The following SRBD1 variants were observed in gnomAD, a reference collection of about 807,000 sequenced individuals.
SRBD1 encodes S1 RNA binding domain 1, also known as S1 RNA-binding domain-containing protein 1.
In SRBD1, 88 loss-of-function variants were observed where a neutral mutation model predicts 115.3. The observed-to-expected ratio is 0.76, with a 90% CI of 0.64 to 0.91. The LOEUF is 0.91. SRBD1 is among the 40% of genes least tolerant of loss of function. The pLI is 0.00. For synonymous variants in SRBD1, 509 were observed against 407.7 expected, an observed-to-expected ratio of 1.25 and a Z score of -2.99; for missense variants, 1,385 against 1,177.4, an observed-to-expected ratio of 1.18 and a Z score of -2.58.
rs535531574 is a variant in SRBD1 at position 45,492,383 on chromosome 2, A to G, written c.1875-4052T>C. 7.2e-5 allele frequency among the ~76,000 whole-genome samples: 11 copies of G among 152,278 alleles called. No individual in the cohort carries two copies. In the South Asian group the frequency reaches 1.9e-3, roughly 26 times the overall value. ...TTATTATCATTATTATATTTTGCCAAATTGAGATGGGAAGGTGAGATTATT... is the reference window on the plus strand; with the variant it reads ...TTATTATCATTATTATATTTTGCCAGATTGAGATGGGAAGGTGAGATTATT... On this transcript the variant is annotated intron_variant, in intron 14 of 20. Transcript: ENST00000263736.
At position 45,389,250 on chromosome 2, in the gene SRBD1, T is replaced by C. The variant is rs1300820881; in HGVS notation, c.*60A>G. ...ACCTAGAGTTTACAAACAACTGACT[T>C]ATCCTTGTCAATCTGTGGAAATGAG... On this transcript the variant is annotated 3_prime_UTR_variant, in exon 21 of 21. Transcript: ENST00000263736. 4 of 1,565,776 alleles carry C rather than the reference T, an allele frequency of 2.6e-6. No individual in the cohort carries two copies. The African/African-American group carries it at 5.5e-5, about 21-fold the overall frequency.
chr2:45,541,896 G>T (rs1053365377), intron 14 of SRBD1, among the ~76,000 whole-genome samples: 1 of 152,248 alleles, frequency 6.6e-6, no homozygotes, highest in Admixed American at 6.5e-5. Flanking sequence ...GGGCAGCCAT[G>T]GGCATGTCTG....
chr2:45,483,789 A>G (rs890349098), intron 15 of SRBD1, among the ~76,000 whole-genome samples: 1 of 152,244 alleles, frequency 6.6e-6, no homozygotes, highest in Admixed American at 6.5e-5. Context: ...GAATTTTTTC[A>G]CTATAATGCT....
chr2:45,605,511 G>A (rs956199182), intron 1 of SRBD1, 70 bp from the exon 2 acceptor site: 1 of 1,378,720 alleles, frequency 7.3e-7, no homozygotes, highest in Non-Finnish European at 1.0e-6. Flanking sequence ...TACAAGTAAT[G>A]GGTCATTCAA....
At chr2:45,437,272 G>C (rs959090676) in intron 16 of SRBD1, among the ~76,000 whole-genome samples, 8 of 147,320 alleles carry the variant, frequency 5.4e-5, no homozygotes, top group African/African-American at 2.0e-4. Context: ...AGTATTAAAA[G>C]AGAATGAAGT....
chr2:45,391,599 G>T (rs1435682402), intron 20 of SRBD1, among the ~76,000 whole-genome samples: 3 of 152,214 alleles, frequency 2.0e-5, no homozygotes, highest in African/African-American at 7.2e-5. Flanking sequence ...TTAGAGCAAA[G>T]GTCAGTTCCA....
At chr2:45,593,935 C>G (rs1057446864) in intron 4 of SRBD1, among the ~76,000 whole-genome samples, 6 of 152,146 alleles carry the variant, frequency 3.9e-5, no homozygotes, top group Non-Finnish European at 8.8e-5. Context: ...TGGTAATGTT[C>G]TGGAAGCTTG....
chr2:45,606,222 C>T (rs1336444240), intron 1 of SRBD1, among the ~76,000 whole-genome samples: 3 of 147,346 alleles, frequency 2.0e-5, no homozygotes, highest in Non-Finnish European at 3.0e-5. Flanking sequence ...TGCAATGGCA[C>T]GATATTGGCT....
intron 8 of SRBD1, among the ~76,000 whole-genome samples, chr2:45,573,827 T>C (rs1673094077): frequency 6.6e-6 from 1 of 152,210 alleles, no homozygotes; most frequent in Non-Finnish European, 1.5e-5. Context: ...GCAATTATTT[T>C]GCTTCAACTC....
At chr2:45,512,009 C>T (rs1004309831) in intron 14 of SRBD1, among the ~76,000 whole-genome samples, 2 of 152,164 alleles carry the variant, frequency 1.3e-5, no homozygotes, top group Admixed American at 1.3e-4. Flanking sequence ...AGCATGGCTA[C>T]GTGATTTGCT....
At chr2:45,589,715 T>C (rs1049695537) in intron 4 of SRBD1, among the ~76,000 whole-genome samples, 2 of 152,218 alleles carry the variant, frequency 1.3e-5, no homozygotes, top group East Asian at 1.9e-4. Context: ...CAAAACCACA[T>C]ACAAGCAGTC....
intron 19 of SRBD1, among the ~76,000 whole-genome samples, chr2:45,409,595 T>A (rs980315334): frequency 6.6e-6 from 1 of 151,716 alleles, no homozygotes; most frequent in African/African-American, 2.4e-5. Context: ...TTAATATAGT[T>A]ACTGATGACA....
At chr2:45,599,872 G>C in intron 3 of SRBD1, 37 bp from the exon 4 acceptor site, 1 of 1,554,558 alleles carries the variant, frequency 6.4e-7, no homozygotes, top group Non-Finnish European at 8.7e-7. Context: ...AGAATTAGAA[G>C]ATAAAAAGCA....
chr2:45,520,286 A>G (rs545259261), intron 14 of SRBD1, among the ~76,000 whole-genome samples: 61 of 152,288 alleles, frequency 4.0e-4, no homozygotes, highest in African/African-American at 1.4e-3. Context: ...AAAGCTATCA[A>G]TCTGGTTCTA....
chr2:45,432,688 C>T (rs1166341787), intron 16 of SRBD1, among the ~76,000 whole-genome samples: 1 of 152,130 alleles, frequency 6.6e-6, no homozygotes, highest in African/African-American at 2.4e-5. Context: ...TGGACTGTTC[C>T]ATTTTTAAAT....
intron 2 of SRBD1, among the ~76,000 whole-genome samples, chr2:45,603,571 A>G (rs1386631032): frequency 1.3e-5 from 2 of 152,124 alleles, no homozygotes; most frequent in African/African-American, 4.8e-5. Context: ...CCTCTGTCAC[A>G]CAGGCTGGAG....
At chr2:45,583,240 C>CTATAAATTAAAGAGAAGAA (rs1673421002) in intron 5 of SRBD1, among the ~76,000 whole-genome samples, 1 of 151,092 alleles carries the variant, frequency 6.6e-6, no homozygotes, top group African/African-American at 2.4e-5. Flanking sequence ...AGGCAGAAGA[C>CTATAAATTAAAGAGAAGAA]TATAAATTAA....
At chr2:45,529,915 C>A (rs953264509) in intron 14 of SRBD1, among the ~76,000 whole-genome samples, 1 of 151,932 alleles carries the variant, frequency 6.6e-6, no homozygotes, top group Non-Finnish European at 1.5e-5. Context: ...TTTGGTGATA[C>A]CAAAATCTGA....
At chr2:45,443,584 G>A (rs529441411) in intron 16 of SRBD1, among the ~76,000 whole-genome samples, 14 of 152,130 alleles carry the variant, frequency 9.2e-5, no homozygotes, top group African/African-American at 3.1e-4. Flanking sequence ...GTTCAGGGAC[G>A]AGATCAATGG....
Sources: allele counts gnomAD v4.1 joint callset (sites outside exome capture counted in the v4.1 genomes callset), GRCh38; gene constraint gnomAD v4.1.1; transcripts MANE v1.5; gene names NCBI Gene and HGNC (gene_info 2026-07-23, HGNC 2026-07-21).